Variants in WWOX observed in about 807,000 individuals in gnomAD.
The protein encoded by WWOX is WW domain containing oxidoreductase.
WWOX carries 69 observed loss-of-function variants against 46.2 expected under a neutral mutation model. The ratio of observed to expected loss-of-function variants is 1.49; its 90% CI spans 1.23 to 1.82. The LOEUF (loss-of-function observed/expected upper bound fraction) is 1.82. Among genes scored for constraint, WWOX ranks in the 40% most tolerant of loss-of-function variants. The pLI, the probability that WWOX is intolerant of heterozygous loss-of-function variation, is 0.00. For missense variants in WWOX, 919 were observed against 542.6 expected (o/e 1.69, Z -6.89); for synonymous variants, 359 against 202.6 (o/e 1.77, Z -6.56).
intron 8 of WWOX, among the ~76,000 whole-genome samples, chr16:78,539,392 C>A (rs1203511068): frequency 6.6e-6 from 1 of 152,148 alleles, no homozygotes; most frequent in Non-Finnish European, 1.5e-5. Flanking sequence ...ATTGTTGTAG[C>A]CTTAGAAAAC....
intron 1 of WWOX, among the ~76,000 whole-genome samples, chr16:78,102,763 G>A (rs1179636900): frequency 6.6e-6 from 1 of 152,180 alleles, no homozygotes; most frequent in East Asian, 1.9e-4. Context: ...GGTTGCAGAT[G>A]TCATGGGGCA....
intron 8 of WWOX, among the ~76,000 whole-genome samples, chr16:78,886,384 T>G (rs926528797): frequency 9.9e-5 from 15 of 151,918 alleles, no homozygotes; most frequent in African/African-American, 3.6e-4. Flanking sequence ...ATATGAGAAA[T>G]AAATCCTAAA....
At chr16:78,522,279 AC>A (rs1046610782) in intron 8 of WWOX, among the ~76,000 whole-genome samples, 1 of 152,100 alleles carries the variant, frequency 6.6e-6, no homozygotes, top group African/African-American at 2.4e-5. Flanking sequence ...AAAAAAAAAA[AC>A]TAGTGAAATC....
intron 8 of WWOX, among the ~76,000 whole-genome samples, chr16:78,930,045 G>T (rs1215511020): frequency 6.6e-6 from 1 of 152,042 alleles, no homozygotes; most frequent in Non-Finnish European, 1.5e-5. Context: ...TGGACTTCTT[G>T]GGCGTGTCCT....
At chr16:78,450,805 C>T (rs192456320) in intron 8 of WWOX, among the ~76,000 whole-genome samples, 1 of 152,068 alleles carries the variant, frequency 6.6e-6, no homozygotes, top group African/African-American at 2.4e-5. Flanking sequence ...AATATTAACC[C>T]AGAGCAGATT....
intron 5 of WWOX, among the ~76,000 whole-genome samples, chr16:78,377,588 G>C (rs1470314997): frequency 1.3e-5 from 2 of 152,142 alleles, no homozygotes; most frequent in Non-Finnish European, 2.9e-5. Context: ...CAATCATGTT[G>C]ACTGCCAACC....
intron 8 of WWOX, among the ~76,000 whole-genome samples, chr16:78,921,217 G>C (rs904682288): frequency 3.9e-5 from 6 of 152,144 alleles, no homozygotes; most frequent in African/African-American, 7.2e-5. Flanking sequence ...AAACAGAGCT[G>C]TTTGAAAAGA....
intron 8 of WWOX, among the ~76,000 whole-genome samples, chr16:78,935,864 A>AT (rs2045726442): frequency 6.6e-6 from 1 of 152,106 alleles, no homozygotes. Context: ...GTGAGCTCAC[A>AT]TCACACCACT....
intron 8 of WWOX, among the ~76,000 whole-genome samples, chr16:78,894,190 A>G (rs1220927680): frequency 6.6e-6 from 1 of 152,070 alleles, no homozygotes; most frequent in Non-Finnish European, 1.5e-5. Context: ...AGGCAAGTGT[A>G]CTGTGGCAAT....
At chr16:78,953,903 C>G (rs117805278) in intron 8 of WWOX, among the ~76,000 whole-genome samples, 1 of 152,108 alleles carries the variant, frequency 6.6e-6, no homozygotes. Flanking sequence ...CCTTATATTG[C>G]GTTTATTTTT....
chr16:78,869,549 A>G (rs773010129), intron 8 of WWOX, among the ~76,000 whole-genome samples: 1 of 152,234 alleles, frequency 6.6e-6, no homozygotes, highest in African/African-American at 2.4e-5. Context: ...AGTCTGGTCA[A>G]TTGAAACAGC....
chr16:78,960,924 T>G (rs570129703), intron 8 of WWOX, among the ~76,000 whole-genome samples: 9 of 152,348 alleles, frequency 5.9e-5, no homozygotes, highest in African/African-American at 2.2e-4. Context: ...CTACGGGGCT[T>G]GCTTTGGGTC....
chr16:78,813,722 C>A (rs2051258591), intron 8 of WWOX, among the ~76,000 whole-genome samples: 1 of 152,190 alleles, frequency 6.6e-6, no homozygotes, highest in African/African-American at 2.4e-5. Flanking sequence ...CTGATACTTA[C>A]TGCTTTCTCT....
Position 78,996,678 on chromosome 16 carries a change from C to T in WWOX, c.1057-214930C>T, listed in dbSNP as rs558626023. Among the ~76,000 whole-genome samples the T allele has an allele frequency of 8.5e-5, 13 of 152,176 alleles. No individual in the cohort carries two copies. In the East Asian group the frequency reaches 1.7e-3, roughly 20 times the overall value. On this transcript the variant is annotated intron_variant, in intron 8 of 8. Coordinates refer to ENST00000566780, the MANE Select transcript of WWOX (RefSeq NM_016373.4). ...TCTACATCCCCCCAAAATGTGGGGA[C>T]AATATGGCAAATATGGCCAGGTACA...
intron 4 of WWOX, chr16:78,123,435 G>GTTTTTTTTTTTTTTTTTTTCTTTTTTTT (rs200594331): frequency 2.1e-5 from 1 of 48,722 alleles, no homozygotes; most frequent in African/African-American, 7.6e-5. Flanking sequence ...TTTGTTTTTT[G>GTTTTTTTTTTTTTTTTTTTCTTTTTTTT]TTTTGTTTTT....
chr16:78,775,237 C>G (rs75276924), intron 8 of WWOX, among the ~76,000 whole-genome samples: 2 of 152,062 alleles, frequency 1.3e-5, no homozygotes, highest in African/African-American at 2.4e-5. Context: ...GTATTCAGCC[C>G]GGCCAATAAT....
chr16:79,155,994 T>C (rs1200251852), intron 8 of WWOX, among the ~76,000 whole-genome samples: 1 of 152,218 alleles, frequency 6.6e-6, no homozygotes, highest in East Asian at 1.9e-4. Context: ...ATAACTCACT[T>C]AGTCATTTCA....
At chr16:78,802,885 C>T (rs187821620) in intron 8 of WWOX, among the ~76,000 whole-genome samples, 3 of 128,216 alleles carry the variant, frequency 2.3e-5, no homozygotes, top group Non-Finnish European at 3.1e-5. Flanking sequence ...CATTGCACTC[C>T]AGCCTGGGTC....
At chr16:78,602,525 C>A (rs779941058) in intron 8 of WWOX, among the ~76,000 whole-genome samples, 1 of 152,180 alleles carries the variant, frequency 6.6e-6, no homozygotes, top group African/African-American at 2.4e-5. Flanking sequence ...AGCCACCACA[C>A]CCGGCCTCTT....
Sources: allele counts gnomAD v4.1 joint callset (sites outside exome capture counted in the v4.1 genomes callset), GRCh38; gene constraint gnomAD v4.1.1; transcripts MANE v1.5; gene names NCBI Gene and HGNC (gene_info 2026-07-23, HGNC 2026-07-21).